The following SORCS2 variants were observed in gnomAD, a reference collection of about 807,000 sequenced individuals.
SORCS2 encodes the protein sortilin related VPS10 domain containing receptor 2, also known as VPS10 domain-containing receptor SorCS2.
A neutral mutation model predicts 141.6 loss-of-function variants in SORCS2; 100 were observed. The observed-to-expected ratio is 0.71, with a 90% confidence interval of 0.60 to 0.83. The LOEUF (loss-of-function observed/expected upper bound fraction) is 0.83. SORCS2 is among the 40% of genes least tolerant of loss of function. The probability of loss-of-function intolerance (pLI) is 0.00; values close to 1 mark genes in which losing one functional copy is unlikely to be tolerated. For synonymous variants in SORCS2, 789 were observed against 676.9 expected, an observed-to-expected ratio of 1.17 and a Z score of -2.57; for missense variants, 1,646 against 1,560.2, an observed-to-expected ratio of 1.05 and a Z score of -0.93.
intron 23 of SORCS2, among the ~76,000 whole-genome samples, chr4:7,732,207 C>T (rs890066737): frequency 6.6e-6 from 1 of 152,214 alleles, no homozygotes; most frequent in Non-Finnish European, 1.5e-5. Flanking sequence ...CTCACCATCT[C>T]GAATCATCAG....
rs368055704 is a variant in SORCS2 at position 7,644,686 on chromosome 4, C to T, written c.813+6194C>T. Among the ~76,000 whole-genome samples the T allele has an allele frequency of 2.6e-5, 4 of 152,326 alleles. No homozygotes were observed. In the East Asian group the frequency reaches 7.7e-4, roughly 29 times the overall value. On this transcript the variant is annotated intron_variant, in intron 4 of 26. Coordinates refer to ENST00000507866, the MANE Select transcript of SORCS2 (RefSeq NM_020777.3). ...CCAGAAACCATAGAAGACACTGGCA[C>T]ACTCTTCTATGTGCCCTTCCTGGGC...
intron 1 of SORCS2, among the ~76,000 whole-genome samples, chr4:7,331,389 G>C (rs1372193239): frequency 1.3e-5 from 2 of 152,124 alleles, no homozygotes; most frequent in African/African-American, 4.8e-5. Context: ...GTGGGTGATC[G>C]ACCCTTGCTG....
chr4:7,461,901 G>A (rs796769602), intron 2 of SORCS2, among the ~76,000 whole-genome samples: 37 of 101,628 alleles, frequency 3.6e-4, no homozygotes, highest in African/African-American at 1.5e-3. Flanking sequence ...GGGAGGTGCT[G>A]TCCCGCAGGC....
chr4:7,644,522 G>T (rs1321966375), intron 4 of SORCS2, among the ~76,000 whole-genome samples: 1 of 152,200 alleles, frequency 6.6e-6, no homozygotes, highest in South Asian at 2.1e-4. Context: ...AGCTGCAAGG[G>T]AGTCCAAGTG....
intron 3 of SORCS2, among the ~76,000 whole-genome samples, chr4:7,548,540 C>T (rs1348906621): frequency 1.3e-5 from 2 of 152,206 alleles, no homozygotes; most frequent in Non-Finnish European, 1.5e-5. Flanking sequence ...CACCTACAGA[C>T]AAAGGGAGGC....
At chr4:7,673,852 A>C (rs1722936882) in intron 8 of SORCS2, among the ~76,000 whole-genome samples, 1 of 151,970 alleles carries the variant, frequency 6.6e-6, no homozygotes. Flanking sequence ...CAGTCCCCCC[A>C]CCACCCCTGC....
intron 4 of SORCS2, among the ~76,000 whole-genome samples, chr4:7,649,673 C>T (rs2108888941): frequency 6.6e-6 from 1 of 152,120 alleles, no homozygotes; most frequent in African/African-American, 2.4e-5. Flanking sequence ...GGGTCAGGAG[C>T]AGAGGGTGAT....
chr4:7,457,330 A>T (rs1728978919), intron 2 of SORCS2, among the ~76,000 whole-genome samples: 1 of 152,234 alleles, frequency 6.6e-6, no homozygotes, highest in East Asian at 1.9e-4. Flanking sequence ...GGCAGAGGCC[A>T]GGACTGCAGG....
intron 3 of SORCS2, among the ~76,000 whole-genome samples, chr4:7,599,890 A>G (rs2108789923): frequency 6.6e-6 from 1 of 150,650 alleles, no homozygotes; most frequent in South Asian, 2.1e-4. Flanking sequence ...GTAGCATGAT[A>G]TCAGCTCACT....
intron 2 of SORCS2, among the ~76,000 whole-genome samples, chr4:7,490,413 A>G (rs1205712369): frequency 1.3e-5 from 2 of 152,078 alleles, no homozygotes; most frequent in African/African-American, 2.4e-5. Flanking sequence ...ACTACCCTAG[A>G]TCACGGAGCT....
chr4:7,578,948 A>G (rs1267759980), intron 3 of SORCS2, among the ~76,000 whole-genome samples: 1 of 152,218 alleles, frequency 6.6e-6, no homozygotes, highest in Non-Finnish European at 1.5e-5. Flanking sequence ...GGTGGATGTC[A>G]GGGAGCTTCC....
intron 9 of SORCS2, among the ~76,000 whole-genome samples, chr4:7,676,510 G>C (rs1723120690): frequency 1.3e-5 from 2 of 152,150 alleles, no homozygotes; most frequent in African/African-American, 4.8e-5. Context: ...TTCTTTGAGG[G>C]AATAACATTT....
rs577082631 is a variant in SORCS2, at chr4:7,301,304, C to G, written c.481-94984C>G. On this transcript the variant is annotated intron_variant, in intron 1 of 26. Coordinates refer to ENST00000507866, the MANE Select transcript of SORCS2 (RefSeq NM_020777.3). ...AGCTATCGAAACAGAAACACTGCCA[C>G]TCTCATGGAGCCACAGCCTGGTGGG... Among the ~76,000 whole-genome samples, 11 of 152,350 alleles carry G rather than the reference C, an allele frequency of 7.2e-5. No homozygotes were observed. In the South Asian group the frequency reaches 2.3e-3, roughly 32 times the overall value.
intron 16 of SORCS2, 98 bp downstream of exon 16, chr4:7,714,471 C>A (rs975952465): frequency 2.9e-6 from 4 of 1,358,844 alleles, no homozygotes; most frequent in African/African-American, 2.9e-5. Flanking sequence ...GAAGCCTCAG[C>A]GCCTTTTATA....
chr4:7,202,186 T>A (rs1444963648), intron 1 of SORCS2, among the ~76,000 whole-genome samples: 1 of 152,218 alleles, frequency 6.6e-6, no homozygotes, highest in Non-Finnish European at 1.5e-5. Flanking sequence ...TGCTCACTGC[T>A]GATTGATATG....
At chr4:7,549,202 T>G (rs1044265471) in intron 3 of SORCS2, among the ~76,000 whole-genome samples, 14 of 152,314 alleles carry the variant, frequency 9.2e-5, no homozygotes, top group Non-Finnish European at 1.6e-4. Flanking sequence ...CTATCTCTAC[T>G]GGTTTTTTAT....
At chr4:7,427,035 G>C (rs1726491362) in intron 2 of SORCS2, among the ~76,000 whole-genome samples, 1 of 152,198 alleles carries the variant, frequency 6.6e-6, no homozygotes, top group Non-Finnish European at 1.5e-5. Flanking sequence ...CACAGGGAAA[G>C]AGCGGTGGTT....
At chr4:7,521,579 C>T (rs1269329672) in intron 2 of SORCS2, among the ~76,000 whole-genome samples, 3 of 152,186 alleles carry the variant, frequency 2.0e-5, no homozygotes, top group African/African-American at 4.8e-5. Context: ...GTCCTGGGCG[C>T]CACAGCGGTC....
intron 2 of SORCS2, chr4:7,430,379 CA>C (rs1726752979): frequency 6.6e-6 from 1 of 152,116 alleles, no homozygotes; most frequent in African/African-American, 2.4e-5. Flanking sequence ...AACAAACAAA[CA>C]AACAAACAAA....
Sources: gnomAD v4.1 joint callset for allele counts (sites outside exome capture counted in the v4.1 genomes callset) on GRCh38, gnomAD v4.1.1 for gene constraint, MANE v1.5 for transcripts, NCBI Gene and HGNC (gene_info 2026-07-23, HGNC 2026-07-21) for gene names.